The following DLD variants were observed in gnomAD, a reference collection of about 807,000 sequenced individuals.
The protein encoded by DLD is dihydrolipoamide dehydrogenase.
DLD carries 36 observed loss-of-function variants against 62.2 expected under a neutral mutation model. The ratio of observed to expected loss-of-function variants is 0.58; its 90% CI spans 0.44 to 0.76. DLD has a LOEUF of 0.76. Ranked by LOEUF, DLD falls within the 30% of genes least tolerant of loss-of-function variation. The pLI is 0.00. For missense variants in DLD, 541 were observed against 608.6 expected, an observed-to-expected ratio of 0.89 and a Z score of 1.17; for synonymous variants, 204 against 199.6, an observed-to-expected ratio of 1.02 and a Z score of -0.19.
Position 107,919,299 on chromosome 7 carries a change from G to T in DLD, c.*40G>T. 1 of 1,521,350 alleles carries T rather than the reference G, an allele frequency of 6.6e-7. No individual in the cohort carries two copies. Among genetic ancestry groups the T allele is most frequent in the South Asian group, 1.1e-5 (1 of 87,250 alleles). 94.2% of individuals were successfully genotyped at this position (1,521,350 alleles called of 1,614,324 possible). On this transcript the variant is annotated 3_prime_UTR_variant, in exon 14 of 14. Transcript: ENST00000205402. ...TATATTTTTTTCTGAAATTTCCTGG[G>T]AGCTTTTGTAGAAGTCACATTCCTG...
Position 107,921,040 on chromosome 7 carries a change from A to G in DLD, c.*1781A>G, listed in dbSNP as rs2032398560. ...TCTCAACATATCCCTTACTCAGGGA[A>G]AAAAAAGTTTTTAGTTAGGGAATAG... is the stretch of plus-strand genomic sequence containing the variant. On this transcript the variant is annotated 3_prime_UTR_variant, in exon 14 of 14. Transcript: ENST00000205402. The G allele has an allele frequency of 6.6e-6, 1 of 152,340 alleles. No individual in the cohort carries two copies. Among genetic ancestry groups the G allele is most frequent in the African/African-American group, 2.4e-5 (1 of 41,438 alleles). 9.4% of individuals were successfully genotyped at this position (152,340 alleles called of 1,614,324 possible).
chr7:107,896,233 C>T (rs1045569645), intron 2 of DLD, among the ~76,000 whole-genome samples: 2 of 152,156 alleles, frequency 1.3e-5, no homozygotes, highest in African/African-American at 2.4e-5. Context: ...TTTAGCTTTG[C>T]GGTAGCACTG....
At position 107,893,245 on chromosome 7, in the gene DLD, G is replaced by A; in HGVS notation, c.85G>A (p.Ala29Thr). 1 of 1,613,418 alleles carries A rather than the reference G, an allele frequency of 6.2e-7. No individual in the cohort carries two copies. The highest frequency in any genetic ancestry group is 8.5e-7 in the Non-Finnish European group (1 of 1,179,690). The change falls in exon 2 of 14, where the codon GCA (alanine) becomes ACA (threonine). Residue 29 changes from alanine to threonine, a missense_variant. Physicochemically the swap from Ala to Thr is moderately conservative, Grantham distance 58. Coordinates refer to ENST00000205402, the MANE Select transcript of DLD (RefSeq NM_000108.5). ...RISHGLQGLS[A>T]VPLRTYADQP... is the part of the protein sequence containing the mutation. ...ATCTCATGGCCTACAGGGACTTTCT[G>A]CAGTGCCTCTGAGAACTTACGCAGA...
rs778207997 is a variant in DLD at position 107,916,869 on chromosome 7, C to T, written c.951C>T (p.Pro317=). Residue 317 remains proline (P), a synonymous_variant, in exon 10 of 14, where the codon CCC becomes CCT. Coordinates refer to ENST00000205402, the MANE Select transcript of DLD (RefSeq NM_000108.5). ...TCTTGGTTTGCATTGGCCGACGACC[C>T]TTTACTAAGAATTTGGGACTAGAAG... ...DVLLVCIGRR[P]FTKNLGLEEL... is the part of the protein sequence containing the mutation. 5 of 1,613,378 alleles carry T rather than the reference C, an allele frequency of 3.1e-6. No homozygotes were observed. The highest frequency in any genetic ancestry group is 4.2e-6 in the Non-Finnish European group (5 of 1,179,948).
At chr7:107,893,107 C>G (rs1241466297) in intron 1 of DLD, 93 bp from the exon 2 acceptor site, 9 of 951,562 alleles carry the variant, frequency 9.5e-6, no homozygotes, top group South Asian at 2.9e-5. Flanking sequence ...TCGCTTGATA[C>G]GTTTGCCCAA....
At chr7:107,916,729 A>C (rs2032278562) in intron 9 of DLD, 65 bp from the exon 10 acceptor site, 1 of 1,518,424 alleles carries the variant, frequency 6.6e-7, no homozygotes, top group African/African-American at 1.4e-5. Flanking sequence ...TGCTGGCCTT[A>C]AATTTCTAAG....
At chr7:107,895,879 C>T (rs2031709832) in intron 2 of DLD, among the ~76,000 whole-genome samples, 1 of 152,134 alleles carries the variant, frequency 6.6e-6, no homozygotes. Context: ...TATATATACA[C>T]ACACACAGAC....
At position 107,920,983 on chromosome 7, in the gene DLD, C is replaced by G. The variant is rs886061913; in HGVS notation, c.*1724C>G. ...CTGCATCTTTTTAAAAATTTGAAAT[C>G]CCGGTATCATGTGAAGTGCTGTTTA... On this transcript the variant is annotated 3_prime_UTR_variant, in exon 14 of 14. Transcript: ENST00000205402. The G allele has an allele frequency of 1.3e-5, 2 of 152,262 alleles. No individual in the cohort carries two copies. The highest frequency in any genetic ancestry group is 2.9e-5 in the Non-Finnish European group (2 of 68,032). The allele number at this position is 152,262 out of a possible 1,614,324, so 9.4% of individuals were successfully genotyped here.
At position 107,920,132 on chromosome 7, in the gene DLD, A is replaced by G. The variant is rs2032372945; in HGVS notation, c.*873A>G. ...CATCATCCTTTCATCTATTTTAGAT[A>G]CACCTACTAAATGTTTAATATATAC... On this transcript the variant is annotated 3_prime_UTR_variant, in exon 14 of 14. Transcript: ENST00000205402. 6.6e-6 allele frequency: 1 copy of G among 152,310 alleles called. No homozygotes were observed. Among genetic ancestry groups the G allele is most frequent in the Admixed American group, 6.5e-5 (1 of 15,280 alleles). The allele number at this position is 152,310 out of a possible 1,614,324, so 9.4% of individuals were successfully genotyped here. A position where few individuals can be genotyped will look rare whatever the true frequency, so the allele number is the denominator to read the frequency against.
intron 2 of DLD, among the ~76,000 whole-genome samples, chr7:107,899,855 C>G (rs2031832824): frequency 6.6e-6 from 1 of 150,896 alleles, no homozygotes; most frequent in African/African-American, 2.4e-5. Flanking sequence ...AATTTTTAAT[C>G]AGAAAAGACA....
At position 107,903,531 on chromosome 7, in the gene DLD, A is replaced by C. The variant is rs138398782; in HGVS notation, c.321A>C (p.Ala107=). 2 of 1,593,302 alleles carry C rather than the reference A, an allele frequency of 1.3e-6. No homozygotes were observed. Among genetic ancestry groups the C allele is most frequent in the Non-Finnish European group, 1.7e-6 (2 of 1,161,930 alleles). Residue 107 remains alanine, a synonymous_variant, in exon 5 of 14, where the codon GCA becomes GCC. Coordinates refer to ENST00000205402, the MANE Select transcript of DLD (RefSeq NM_000108.5). Reference sequence around the variant, plus strand: ...ATATGGCCCATGGAAAAGATTTTGCATCTAGAGGAATTGAAAGTAAGTATA... The same window carrying C: ...ATATGGCCCATGGAAAAGATTTTGCCTCTAGAGGAATTGAAAGTAAGTATA... ...YYHMAHGKDF[A]SRGIEMSEVR... is the part of the protein sequence containing the mutation.
At chr7:107,901,659 T>C in intron 2 of DLD, 79 bp from the exon 3 acceptor site, 4 of 1,168,406 alleles carry the variant, frequency 3.4e-6, no homozygotes, top group Non-Finnish European at 1.3e-6. Context: ...TATCGGGTTA[T>C]TTGTTTGCTC....
At chr7:107,894,590 T>A (rs2031670979) in intron 2 of DLD, among the ~76,000 whole-genome samples, 1 of 152,238 alleles carries the variant, frequency 6.6e-6, no homozygotes, top group Admixed American at 6.5e-5. Flanking sequence ...TCAACTCATA[T>A]AACAGGAGAA....
rs1427174023 is a variant in DLD, at chr7:107,920,727, T to A, written c.*1468T>A. ...ATTCTGCCTTCTGATCCTTAACCAATAAAACTTGGCTTTTGTTTCCCCCTC... is the reference window on the plus strand; with the variant it reads ...ATTCTGCCTTCTGATCCTTAACCAAAAAAACTTGGCTTTTGTTTCCCCCTC... On this transcript the variant is annotated 3_prime_UTR_variant, in exon 14 of 14. Coordinates refer to ENST00000205402, the MANE Select transcript of DLD (RefSeq NM_000108.5). The A allele has an allele frequency of 6.6e-6, 1 of 152,224 alleles. No individual in the cohort carries two copies. Among genetic ancestry groups the A allele is most frequent in the Non-Finnish European group, 1.5e-5 (1 of 68,056 alleles). 9.4% of individuals were successfully genotyped at this position (152,224 alleles called of 1,614,324 possible).
intron 2 of DLD, among the ~76,000 whole-genome samples, chr7:107,899,055 T>A (rs937436453): frequency 6.6e-6 from 1 of 152,200 alleles, no homozygotes; most frequent in Non-Finnish European, 1.5e-5. Context: ...TAGAAAATTA[T>A]AAGAATTTTA....
At position 107,920,754 on chromosome 7, in the gene DLD, A is replaced by G. The variant is rs552454062; in HGVS notation, c.*1495A>G. 1 of 152,314 alleles carries G rather than the reference A, an allele frequency of 6.6e-6. No homozygotes were observed. The highest frequency in any genetic ancestry group is 2.4e-5 in the African/African-American group (1 of 41,556). The allele number at this position is 152,314 out of a possible 1,614,324, so 9.4% of individuals were successfully genotyped here. A position where few individuals can be genotyped will look rare whatever the true frequency, so the allele number is the denominator to read the frequency against. On this transcript the variant is annotated 3_prime_UTR_variant, in exon 14 of 14. Transcript: ENST00000205402. ...AAACTTGGCTTTTGTTTCCCCCTCAAGTGAGAACCCGTTAAAAATGAGACA... is the reference window on the plus strand; with the variant it reads ...AAACTTGGCTTTTGTTTCCCCCTCAGGTGAGAACCCGTTAAAAATGAGACA...
At chr7:107,892,701 A>G (rs976629047) in intron 1 of DLD, among the ~76,000 whole-genome samples, 11 of 152,008 alleles carry the variant, frequency 7.2e-5, no homozygotes, top group African/African-American at 2.7e-4. Context: ...ACCCACCACT[A>G]CACCCGGCTA....
intron 6 of DLD, 123 bp from the exon 7 acceptor site, chr7:107,905,238 G>A: frequency 8.9e-7 from 1 of 1,120,670 alleles, no homozygotes; most frequent in Non-Finnish European, 1.3e-6. Flanking sequence ...CCATGGTGTA[G>A]CATTACTAAG....
At chr7:107,891,410 C>A in intron 1 of DLD, 121 bp downstream of exon 1, 1 of 1,084,288 alleles carries the variant, frequency 9.2e-7, no homozygotes, top group Non-Finnish European at 1.4e-6. Context: ...CCGCACCACC[C>A]CTGGCCCCGC....
Sources: gnomAD v4.1 joint callset for allele counts (sites outside exome capture counted in the v4.1 genomes callset) on GRCh38, gnomAD v4.1.1 for gene constraint, MANE v1.5 for transcripts, NCBI Gene and HGNC (gene_info 2026-07-23, HGNC 2026-07-21) for gene names.